NPAS3: variants seen among roughly 807,000 people sequenced by gnomAD.
The protein encoded by NPAS3 is neuronal PAS domain protein 3.
A neutral mutation model predicts 73.1 loss-of-function variants in NPAS3; 14 were observed. The observed-to-expected ratio is 0.19, with a 90% confidence interval of 0.13 to 0.30. The LOEUF (loss-of-function observed/expected upper bound fraction) is 0.30. Among genes scored for constraint, NPAS3 ranks in the 10% least tolerant of loss-of-function variants. NPAS3 has a pLI of 1.00. For synonymous variants in NPAS3, 620 were observed against 541.5 expected, an observed-to-expected ratio of 1.14 and a Z score of -2.01; for missense variants, 1,096 against 1,250.0, an observed-to-expected ratio of 0.88 and a Z score of 1.86.
chr14:33,736,205 G>A (rs944957402), intron 7 of NPAS3, among the ~76,000 whole-genome samples: 1 of 152,200 alleles, frequency 6.6e-6, no homozygotes, highest in African/African-American at 2.4e-5. Flanking sequence ...TCTTTAAGGC[G>A]ACTGCTGTGT....
chr14:33,290,226 A>G (rs967212531), intron 3 of NPAS3, among the ~76,000 whole-genome samples: 2 of 152,234 alleles, frequency 1.3e-5, no homozygotes, highest in Non-Finnish European at 2.9e-5. Flanking sequence ...CAGATTATCA[A>G]TATAAACCAA....
chr14:33,670,482 T>C (rs1181030442), intron 5 of NPAS3, among the ~76,000 whole-genome samples: 1 of 152,052 alleles, frequency 6.6e-6, no homozygotes, highest in East Asian at 1.9e-4. Flanking sequence ...TTCAGTGGAG[T>C]TCTGCAATAT....
chr14:33,014,482 TCAGA>T (rs776419303), intron 1 of NPAS3, among the ~76,000 whole-genome samples: 19 of 152,164 alleles, frequency 1.2e-4, no homozygotes, highest in Admixed American at 9.2e-4. Context: ...AACTAATTCT[TCAGA>T]CAATGATCAC....
intron 6 of NPAS3, among the ~76,000 whole-genome samples, chr14:33,701,052 C>G (rs891269066): frequency 6.6e-6 from 1 of 152,122 alleles, no homozygotes. Context: ...GTCCGTGAAA[C>G]AAAGGGGAGA....
chr14:33,161,627 GC>G (rs1433310669), intron 2 of NPAS3, among the ~76,000 whole-genome samples: 1 of 152,188 alleles, frequency 6.6e-6, no homozygotes, highest in Non-Finnish European at 1.5e-5. Context: ...AATGAAAGTA[GC>G]AAGCTCACGA....
At position 33,147,055 on chromosome 14, in the gene NPAS3, T is replaced by C. The variant is rs553545798; in HGVS notation, c.141-68127T>C. Among the ~76,000 whole-genome samples the C allele has an allele frequency of 1.7e-3, 262 of 152,306 alleles. 1 individual carries two copies. The highest frequency in any genetic ancestry group is 3.5e-3 in the Admixed American group (53 of 15,298). The stretch of plus-strand genomic sequence containing the variant: ...AGTTAAGATTTTTGTATGTCAGGTT[T>C]TTTTTTTCTTTTCATTTTTAAAGAT... On this transcript the variant is annotated intron_variant, in intron 2 of 11. Transcript: ENST00000356141.
chr14:33,392,543 A>C (rs60458544), intron 4 of NPAS3, among the ~76,000 whole-genome samples: 1,554 of 152,264 alleles, frequency 0.01, 22 homozygotes, highest in African/African-American at 0.036. Flanking sequence ...TGACGCTCGG[A>C]GTTCAAGTAG....
chr14:33,215,211 G>A, exon 3 of NPAS3: 1 of 1,613,768 alleles, frequency 6.2e-7, no homozygotes, highest in South Asian at 1.1e-5. Context: ...GAGAAATCCC[G>A]AGATGCTGCT....
Position 32,977,356 on chromosome 14 carries a change from G to GCACGCA in NPAS3, c.50+37993_50+37994insGCACAC, listed in dbSNP as rs71432100. On this transcript the variant is annotated intron_variant, in intron 1 of 11. Transcript: ENST00000356141. ...TTTCTACGAGTTTTGTCTCTGACAC[G>GCACGCA]CACACACACACACACACACACACAC... Among the ~76,000 whole-genome samples, 13 of 141,538 alleles carry GCACGCA rather than the reference G, an allele frequency of 9.2e-5. No individual in the cohort carries two copies. The South Asian group carries it at 1.4e-3, about 15-fold the overall frequency. 92.9% of individuals were successfully genotyped at this position (141,538 alleles called of 152,430 possible).
intron 2 of NPAS3, among the ~76,000 whole-genome samples, chr14:33,151,567 A>T (rs1268671304): frequency 2.0e-5 from 3 of 152,200 alleles, no homozygotes. Flanking sequence ...TGAAAATTGT[A>T]TCATGTGATG....
chr14:33,308,527 T>TATATATATATATATATACACAC lies in NPAS3; in HGVS notation c.386-58658_386-58657insTATATATATATATATACACACA. Among the ~76,000 whole-genome samples, 31 of 103,716 alleles carry TATATATATATATATATACACAC rather than the reference T, an allele frequency of 3.0e-4. 1 individual carries two copies. Among genetic ancestry groups the TATATATATATATATATACACAC allele is most frequent in the African/African-American group, 4.6e-4 (10 of 21,588 alleles). The allele number at this position is 103,716 out of a possible 152,430, so 68.0% of individuals were successfully genotyped here. A position where few individuals can be genotyped will look rare whatever the true frequency, so the allele number is the denominator to read the frequency against. On this transcript the variant is annotated intron_variant, in intron 3 of 11. Transcript: ENST00000356141. ...TGCATAGTTTATATATATATATATA[T>TATATATATATATATATACACAC]ACATACACACACACACACACACACA...
At chr14:33,289,450 C>T (rs918502390) in intron 3 of NPAS3, among the ~76,000 whole-genome samples, 1 of 152,184 alleles carries the variant, frequency 6.6e-6, no homozygotes, top group African/African-American at 2.4e-5. Flanking sequence ...GTAATCTATC[C>T]TTGGCCCTTT....
At chr14:33,411,195 T>C (rs893105363) in intron 4 of NPAS3, among the ~76,000 whole-genome samples, 5 of 152,110 alleles carry the variant, frequency 3.3e-5, no homozygotes, top group Non-Finnish European at 4.4e-5. Flanking sequence ...TTTTCGTTGT[T>C]TTGTTGTTTT....
intron 5 of NPAS3, among the ~76,000 whole-genome samples, chr14:33,645,606 T>C (rs1567083944): frequency 6.6e-6 from 1 of 152,176 alleles, no homozygotes. Context: ...TCCAAGAGCA[T>C]GTGTTCCTAA....
At chr14:33,512,643 G>A (rs989707549) in intron 4 of NPAS3, among the ~76,000 whole-genome samples, 11 of 152,004 alleles carry the variant, frequency 7.2e-5, no homozygotes, top group African/African-American at 2.7e-4. Context: ...GTGTGCCTCT[G>A]TGTGTACTAA....
intron 3 of NPAS3, among the ~76,000 whole-genome samples, chr14:33,340,425 G>C (rs1245068093): frequency 6.6e-6 from 1 of 152,208 alleles, no homozygotes; most frequent in African/African-American, 2.4e-5. Context: ...AACCTGGGAG[G>C]CAGAGGTTGC....
intron 2 of NPAS3, among the ~76,000 whole-genome samples, chr14:33,065,635 C>T (rs916454443): frequency 1.3e-5 from 2 of 152,024 alleles, no homozygotes; most frequent in Non-Finnish European, 2.9e-5. Flanking sequence ...AATAGACTAT[C>T]ACCACATCTT....
intron 5 of NPAS3, among the ~76,000 whole-genome samples, chr14:33,662,869 CTTTTTTTTTTTTTT>C (rs550747845): frequency 2.2e-5 from 2 of 89,888 alleles, no homozygotes; most frequent in African/African-American, 9.6e-5. Flanking sequence ...TGGGGTTTTC[CTTTTTTTTTTTTTT>C]TTTTTTTTTT....
intron 4 of NPAS3, among the ~76,000 whole-genome samples, chr14:33,471,874 T>C (rs2050799375): frequency 6.6e-6 from 1 of 152,200 alleles, no homozygotes; most frequent in Admixed American, 6.5e-5. Flanking sequence ...CCGCTCCCTA[T>C]CACTCGCATT....
Sources: gnomAD v4.1 joint callset for allele counts (sites outside exome capture counted in the v4.1 genomes callset) on GRCh38, gnomAD v4.1.1 for gene constraint, MANE v1.5 for transcripts, NCBI Gene and HGNC (gene_info 2026-07-23, HGNC 2026-07-21) for gene names.